PLCL1: variants seen among roughly 807,000 people sequenced by gnomAD.
The protein encoded by PLCL1 is phospholipase C like 1 (inactive).
A neutral mutation model predicts 84.4 loss-of-function variants in PLCL1; 41 were observed. That is an observed-to-expected ratio of 0.49 (90% confidence interval 0.38 to 0.63). The LOEUF is 0.63. PLCL1 is among the 30% of genes least tolerant of loss of function. PLCL1 has a pLI of 0.00. For missense variants in PLCL1, 1,206 were observed against 1,367.8 expected, an observed-to-expected ratio of 0.88 and a Z score of 1.87; for synonymous variants, 490 against 488.3, an observed-to-expected ratio of 1.00 and a Z score of -0.05.
At chr2:198,040,040 G>A (rs1691623990) in intron 1 of PLCL1, among the ~76,000 whole-genome samples, 1 of 152,210 alleles carries the variant, frequency 6.6e-6, no homozygotes, top group East Asian at 1.9e-4. Flanking sequence ...TTTGTCCGAA[G>A]TAGGGCAATA....
chr2:197,911,381 C>A lies in PLCL1; in HGVS notation c.240+106042C>A, dbSNP rs1321654431. On this transcript the variant is annotated intron_variant, in intron 1 of 5. Transcript: ENST00000428675. Reference sequence around the variant, plus strand: ...AAATAAAATAAAAAATAAAGTTTAGCAATTTAGAAAAGAAAATATTTTTTT... The same window carrying A: ...AAATAAAATAAAAAATAAAGTTTAGAAATTTAGAAAAGAAAATATTTTTTT... Among the ~76,000 whole-genome samples, 8 of 151,866 alleles carry A rather than the reference C, an allele frequency of 5.3e-5. 1 individual carries two copies. Among genetic ancestry groups the A allele is most frequent in the Admixed American group, 5.2e-4 (8 of 15,258 alleles).
chr2:197,971,731 T>C (rs1689870356), intron 1 of PLCL1, among the ~76,000 whole-genome samples: 1 of 152,224 alleles, frequency 6.6e-6, no homozygotes, highest in South Asian at 2.1e-4. Flanking sequence ...TGGCTGAATC[T>C]CAGGTGACTT....
chr2:198,135,400 C>T (rs1212770420), intron 5 of PLCL1, among the ~76,000 whole-genome samples: 1 of 152,064 alleles, frequency 6.6e-6, no homozygotes, highest in East Asian at 1.9e-4. Flanking sequence ...GTTCTGTTGA[C>T]ACAGAGGGAG....
intron 1 of PLCL1, among the ~76,000 whole-genome samples, chr2:197,908,996 A>G (rs746939998): frequency 6.6e-6 from 1 of 152,228 alleles, no homozygotes; most frequent in Non-Finnish European, 1.5e-5. Flanking sequence ...GAGAGGAGTC[A>G]CTCAAGGACC....
intron 5 of PLCL1, among the ~76,000 whole-genome samples, chr2:198,105,601 GGTGT>G (rs72103336): frequency 0.043 from 6,214 of 143,774 alleles, 405 homozygotes; most frequent in African/African-American, 0.14. Flanking sequence ...TAATTTGCCT[GGTGT>G]GTGTGTGTGT....
At chr2:198,132,173 G>T (rs1254450762) in intron 5 of PLCL1, among the ~76,000 whole-genome samples, 4 of 152,132 alleles carry the variant, frequency 2.6e-5, no homozygotes, top group Admixed American at 2.6e-4. Flanking sequence ...CAATTGGTTT[G>T]TCTAATTGCT....
chr2:198,131,813 A>G (rs925355646), intron 5 of PLCL1, among the ~76,000 whole-genome samples: 2 of 152,174 alleles, frequency 1.3e-5, no homozygotes, highest in African/African-American at 4.8e-5. Flanking sequence ...TTTAAAATAA[A>G]ACGGGACTCA....
At chr2:198,028,403 A>G (rs1691324728) in intron 1 of PLCL1, among the ~76,000 whole-genome samples, 1 of 152,118 alleles carries the variant, frequency 6.6e-6, no homozygotes, top group Non-Finnish European at 1.5e-5. Context: ...ATGTGGGCTT[A>G]TGGATATATG....
At chr2:198,019,718 C>T (rs1344993809) in intron 1 of PLCL1, among the ~76,000 whole-genome samples, 1 of 152,116 alleles carries the variant, frequency 6.6e-6, no homozygotes, top group Non-Finnish European at 1.5e-5. Flanking sequence ...AACAAAGCCT[C>T]CAAGAAATAT....
intron 5 of PLCL1, among the ~76,000 whole-genome samples, chr2:198,121,526 G>A (rs1330703765): frequency 1.3e-5 from 2 of 152,004 alleles, no homozygotes; most frequent in Admixed American, 1.3e-4. Flanking sequence ...TTTGAATATG[G>A]ACATCCAGTT....
chr2:198,070,253 T>C (rs1428538381), intron 1 of PLCL1, among the ~76,000 whole-genome samples: 1 of 152,152 alleles, frequency 6.6e-6, no homozygotes, highest in Non-Finnish European at 1.5e-5. Context: ...ATTTGAATCT[T>C]ATTATCAGTG....
intron 1 of PLCL1, among the ~76,000 whole-genome samples, chr2:198,053,196 A>T (rs1000467081): frequency 6.6e-6 from 1 of 152,216 alleles, no homozygotes; most frequent in African/African-American, 2.4e-5. Context: ...GAGTGAATTT[A>T]TCTTATGAAC....
chr2:197,946,988 C>T (rs998896208), intron 1 of PLCL1, among the ~76,000 whole-genome samples: 1 of 151,970 alleles, frequency 6.6e-6, no homozygotes, highest in African/African-American at 2.4e-5. Context: ...ATCCTTAGGG[C>T]TTCTGGAGGA....
intron 1 of PLCL1, among the ~76,000 whole-genome samples, chr2:197,820,255 C>A (rs563920096): frequency 6.6e-6 from 1 of 152,156 alleles, no homozygotes; most frequent in Admixed American, 6.6e-5. Context: ...ATGTCAGCAA[C>A]CCCAAGTATT....
At chr2:197,912,861 T>G in intron 1 of PLCL1, among the ~76,000 whole-genome samples, 1 of 136,454 alleles carries the variant, frequency 7.3e-6, no homozygotes, top group Non-Finnish European at 1.6e-5. Context: ...AGATGACGAG[T>G]TAGTGGGTGC....
At chr2:197,959,851 C>G (rs1379167028) in intron 1 of PLCL1, among the ~76,000 whole-genome samples, 1 of 152,062 alleles carries the variant, frequency 6.6e-6, no homozygotes, top group Non-Finnish European at 1.5e-5. Context: ...AAATGCCTAC[C>G]ACTCCTCCCA....
Position 198,062,303 on chromosome 2 carries a change from A to G in PLCL1, c.241-21455A>G, listed in dbSNP as rs191882448. Among the ~76,000 whole-genome samples, 579 of 152,284 alleles carry G rather than the reference A, an allele frequency of 3.8e-3. 5 individuals carry two copies. Among genetic ancestry groups the G allele is most frequent in the African/African-American group, 0.013 (554 of 41,570 alleles). Reference sequence around the variant, plus strand: ...GGGGAGCTCCAAATTTATACAAGACAATTGTGATAAATTTTTTCTTAAAGG... The same window carrying G: ...GGGGAGCTCCAAATTTATACAAGACGATTGTGATAAATTTTTTCTTAAAGG... On this transcript the variant is annotated intron_variant, in intron 1 of 5. Transcript: ENST00000428675.
At chr2:198,012,925 AT>A (rs1156845460) in intron 1 of PLCL1, among the ~76,000 whole-genome samples, 1 of 152,042 alleles carries the variant, frequency 6.6e-6, no homozygotes, top group Admixed American at 6.6e-5. Flanking sequence ...ATGACACTGT[AT>A]TTTAAACTGA....
At chr2:198,064,526 T>G (rs1054195458) in intron 1 of PLCL1, among the ~76,000 whole-genome samples, 9 of 152,178 alleles carry the variant, frequency 5.9e-5, no homozygotes, top group Non-Finnish European at 1.3e-4. Flanking sequence ...AATTAAAATG[T>G]TCACTTTATA....
Sources: allele counts gnomAD v4.1 joint callset (sites outside exome capture counted in the v4.1 genomes callset), GRCh38; gene constraint gnomAD v4.1.1; transcripts MANE v1.5; gene names NCBI Gene and HGNC (gene_info 2026-07-23, HGNC 2026-07-21).